The following KIAA1217 variants were observed in gnomAD, a reference collection of about 807,000 sequenced individuals.
KIAA1217 encodes KIAA1217, also known as sickle tail protein homolog.
In KIAA1217, 88 loss-of-function variants were observed where a neutral mutation model predicts 163.9. The observed-to-expected ratio is 0.54, with a 90% CI of 0.45 to 0.64. The LOEUF is 0.64. KIAA1217 is among the 30% of genes least tolerant of loss of function. The probability of loss-of-function intolerance (pLI) is 0.00; values close to 1 mark genes in which losing one functional copy is unlikely to be tolerated. For missense variants in KIAA1217, 2,372 were observed against 2,475.0 expected (o/e 0.96, Z 0.88); for synonymous variants, 903 against 923.1 (o/e 0.98, Z 0.39).
intron 2 of KIAA1217, among the ~76,000 whole-genome samples, chr10:24,346,453 C>G (rs1364173409): frequency 1.3e-5 from 2 of 151,474 alleles, no homozygotes; most frequent in Non-Finnish European, 1.5e-5. Context: ...GCCTGGGGGA[C>G]AGAGCGAGAC....
At chr10:24,214,395 A>G (rs984167992) in intron 1 of KIAA1217, among the ~76,000 whole-genome samples, 3 of 152,082 alleles carry the variant, frequency 2.0e-5, no homozygotes, top group African/African-American at 4.8e-5. Flanking sequence ...CCTTGTCACT[A>G]TGGCATCCCC....
chr10:24,157,459 T>C (rs562739058), intron 2 of KIAA1217, among the ~76,000 whole-genome samples: 7 of 152,330 alleles, frequency 4.6e-5, no homozygotes, highest in Admixed American at 1.3e-4. Context: ...CTTGTTCTCT[T>C]AACAGTGTCT....
intron 1 of KIAA1217, among the ~76,000 whole-genome samples, chr10:23,861,689 G>A (rs954993621): frequency 6.6e-6 from 1 of 152,188 alleles, no homozygotes; most frequent in African/African-American, 2.4e-5. Flanking sequence ...GGACGAGGAT[G>A]CAGGTGGCTT....
intron 2 of KIAA1217, among the ~76,000 whole-genome samples, chr10:24,304,742 G>T (rs943460595): frequency 1.3e-5 from 2 of 152,142 alleles, no homozygotes; most frequent in African/African-American, 2.4e-5. Flanking sequence ...GATGGTAAAA[G>T]GTCCAGGTGG....
At chr10:23,744,481 A>G (rs1414052669) in intron 1 of KIAA1217, among the ~76,000 whole-genome samples, 1 of 152,188 alleles carries the variant, frequency 6.6e-6, no homozygotes, top group Non-Finnish European at 1.5e-5. Flanking sequence ...CAAAGGTCAC[A>G]CTTTTATTGA....
chr10:24,294,533 C>T (rs922239268), intron 2 of KIAA1217, among the ~76,000 whole-genome samples: 1 of 152,150 alleles, frequency 6.6e-6, no homozygotes, highest in Non-Finnish European at 1.5e-5. Context: ...CAGTTAGCTA[C>T]GTTCACACTG....
chr10:24,440,716 T>G (rs2060429330), intron 5 of KIAA1217, among the ~76,000 whole-genome samples: 1 of 152,224 alleles, frequency 6.6e-6, no homozygotes, highest in African/African-American at 2.4e-5. Flanking sequence ...ATTTTGTGTG[T>G]GTGAGAAACT....
intron 1 of KIAA1217, among the ~76,000 whole-genome samples, chr10:23,760,856 A>G (rs1260738740): frequency 6.6e-6 from 1 of 152,214 alleles, no homozygotes; most frequent in Non-Finnish European, 1.5e-5. Context: ...AGTGAAAAAA[A>G]GAAAAGTTCA....
At chr10:24,287,171 C>T (rs2078625583) in intron 2 of KIAA1217, among the ~76,000 whole-genome samples, 1 of 152,136 alleles carries the variant, frequency 6.6e-6, no homozygotes, top group African/African-American at 2.4e-5. Flanking sequence ...TTGCCTCAGC[C>T]TCCCAAGTAA....
At chr10:23,916,482 G>A (rs1842636588) in intron 1 of KIAA1217, among the ~76,000 whole-genome samples, 1 of 152,142 alleles carries the variant, frequency 6.6e-6, no homozygotes, top group Non-Finnish European at 1.5e-5. Context: ...TCAACTAGAG[G>A]TAGTGTGGAT....
At chr10:24,018,182 C>G (rs1318527739) in intron 2 of KIAA1217, among the ~76,000 whole-genome samples, 1 of 151,874 alleles carries the variant, frequency 6.6e-6, no homozygotes. Context: ...CAAAAAGTCA[C>G]CAAACACAAA....
At chr10:24,101,726 T>C (rs2131719458) in intron 2 of KIAA1217, among the ~76,000 whole-genome samples, 1 of 152,340 alleles carries the variant, frequency 6.6e-6, no homozygotes, top group Admixed American at 6.5e-5. Context: ...AATTTCATAA[T>C]GTTTAGCCTA....
At chr10:24,438,205 T>C (rs1050423847) in intron 4 of KIAA1217, among the ~76,000 whole-genome samples, 181 bp from the exon 5 acceptor site, 3 of 152,186 alleles carry the variant, frequency 2.0e-5, no homozygotes, top group Admixed American at 2.0e-4. Flanking sequence ...GTCATTTTTC[T>C]TCTTCTTTTC....
intron 17 of KIAA1217, 23 bp downstream of exon 17, chr10:24,536,916 GC>G (rs2074100337): frequency 6.2e-7 from 1 of 1,612,794 alleles, no homozygotes; most frequent in Non-Finnish European, 8.5e-7. Context: ...CTGCACATTT[GC>G]CACACGGTTG....
chr10:23,829,958 TTC>T (rs1324056513), intron 1 of KIAA1217, among the ~76,000 whole-genome samples: 15 of 152,184 alleles, frequency 9.9e-5, no homozygotes, highest in African/African-American at 2.9e-4. Context: ...GATCAAAGAA[TTC>T]TCTGTTGTAC....
chr10:24,484,168 T>C (rs994075155), intron 6 of KIAA1217, among the ~76,000 whole-genome samples: 18 of 145,734 alleles, frequency 1.2e-4, no homozygotes, highest in South Asian at 6.4e-4. Flanking sequence ...TGTGTGTGTA[T>C]ATATATATAG....
chr10:24,128,142 G>A (rs1353908795), intron 2 of KIAA1217, among the ~76,000 whole-genome samples: 1 of 152,124 alleles, frequency 6.6e-6, no homozygotes, highest in Non-Finnish European at 1.5e-5. Context: ...TGATGAGAGC[G>A]GAGACGCTGA....
chr10:24,459,561 C>G (rs914329282), intron 5 of KIAA1217, among the ~76,000 whole-genome samples: 10 of 152,074 alleles, frequency 6.6e-5, no homozygotes, highest in African/African-American at 2.4e-4. Flanking sequence ...ATATATGGAC[C>G]CACAGAATCT....
intron 1 of KIAA1217, among the ~76,000 whole-genome samples, chr10:23,857,624 G>T (rs991372578): frequency 1.3e-5 from 2 of 152,170 alleles, no homozygotes; most frequent in African/African-American, 2.4e-5. Context: ...CCAGGAATTT[G>T]CATTTTATAA....
Sources: gnomAD v4.1 joint callset for allele counts (sites outside exome capture counted in the v4.1 genomes callset) on GRCh38, gnomAD v4.1.1 for gene constraint, MANE v1.5 for transcripts, NCBI Gene and HGNC (gene_info 2026-07-23, HGNC 2026-07-21) for gene names.